Variants in DNAH12 observed in about 807,000 individuals in gnomAD.
The protein encoded by DNAH12 is axonemal beta dynein heavy chain 12.
In DNAH12, 285 loss-of-function variants were observed where a neutral mutation model predicts 371.5. The ratio of observed to expected loss-of-function variants is 0.77; its 90% CI spans 0.70 to 0.85. The LOEUF is 0.85. Among genes scored for constraint, DNAH12 ranks in the 40% least tolerant of loss-of-function variants. DNAH12 has a pLI of 0.00. For missense variants in DNAH12, 3,611 were observed against 3,689.4 expected (o/e 0.98, Z 0.55); for synonymous variants, 1,200 against 1,213.0 (o/e 0.99, Z 0.22).
intron 27 of DNAH12, among the ~76,000 whole-genome samples, chr3:57,445,708 G>T (rs938304876): frequency 2.0e-5 from 3 of 151,812 alleles, no homozygotes; most frequent in Non-Finnish European, 2.9e-5. Context: ...AAAAATATTG[G>T]CTGGGTACAG....
intron 71 of DNAH12, 134 bp downstream of exon 71, chr3:57,296,713 G>T: frequency 9.0e-7 from 1 of 1,110,814 alleles, no homozygotes; most frequent in South Asian, 1.7e-5. Flanking sequence ...AAGTTCTAAG[G>T]GATAGCAAGA....
intron 2 of DNAH12, among the ~76,000 whole-genome samples, chr3:57,537,746 A>G (rs1286955197): frequency 1.4e-5 from 2 of 147,164 alleles, no homozygotes; most frequent in African/African-American, 2.6e-5. Context: ...GCGCAGTGGC[A>G]TGATCTTGGC....
In DNAH12 at chr3:57,433,354, GATC is replaced by G; in HGVS notation, c.4980+10_4980+12del. Reference sequence around the variant, plus strand: ...TCATGGCTGAATCTGCTTCTCTTTTGATCATGATTTACCTTTTTATTATCATCC... The same window carrying G: ...TCATGGCTGAATCTGCTTCTCTTTTGATGATTTACCTTTTTATTATCATCC... On this transcript the variant is annotated intron_variant, in intron 32 of 73. Coordinates refer to ENST00000495027, the MANE Select transcript of DNAH12 (RefSeq NM_001366028.2). 5 of 1,544,254 alleles carry G rather than the reference GATC, an allele frequency of 3.2e-6. No individual in the cohort carries two copies. Among genetic ancestry groups the G allele is most frequent in the Non-Finnish European group, 4.4e-6 (5 of 1,144,068 alleles).
chr3:57,548,363 A>T (rs1488631237), upstream of DNAH12, among the ~76,000 whole-genome samples: 1 of 152,210 alleles, frequency 6.6e-6, no homozygotes, highest in Non-Finnish European at 1.5e-5. Context: ...TAGAATTTGA[A>T]ATTTGACTTT....
intron 4 of DNAH12, among the ~76,000 whole-genome samples, chr3:57,520,948 A>T (rs1252325024): frequency 6.6e-6 from 1 of 151,066 alleles, no homozygotes; most frequent in Non-Finnish European, 1.5e-5. Flanking sequence ...GTTTTAAAAA[A>T]TTTTCTGCAG....
At chr3:57,555,755 T>G in the DNAH12 span, among the ~76,000 whole-genome samples, 1 of 152,254 alleles carries the variant, frequency 6.6e-6, no homozygotes, top group Non-Finnish European at 1.5e-5. Context: ...TTATTGTATA[T>G]CGTTCGTTGT....
rs1417563048 is a variant in DNAH12 at position 57,366,156 on chromosome 3, CACCAAT to C, written c.9167+567_9167+572del. 2.6e-5 allele frequency among the ~76,000 whole-genome samples: 4 copies of C among 152,120 alleles called. No individual in the cohort carries two copies. The East Asian group carries it at 7.7e-4, about 29-fold the overall frequency. On this transcript the variant is annotated intron_variant, in intron 57 of 73. Coordinates refer to ENST00000495027, the MANE Select transcript of DNAH12 (RefSeq NM_001366028.2). ...TACAGTAAAGAAGCTGGCTAAATCC[CACCAAT>C]ACCAAGATGGCCACAAAAGTGACCT...
chr3:57,311,016 A>G (rs1559543259), intron 66 of DNAH12, 66 bp from the exon 67 acceptor site: 1 of 1,123,226 alleles, frequency 8.9e-7, no homozygotes, highest in Non-Finnish European at 1.3e-6. Flanking sequence ...CATTTTAAGT[A>G]TGTATCTATC....
chr3:57,294,289 G>A (rs1408089884), intron 73 of DNAH12, among the ~76,000 whole-genome samples: 1 of 148,298 alleles, frequency 6.7e-6, no homozygotes, highest in Non-Finnish European at 1.5e-5. Flanking sequence ...CGATTCTCTT[G>A]TCTCAGCCTC....
intron 32 of DNAH12, among the ~76,000 whole-genome samples, chr3:57,432,978 G>A (rs777330206): frequency 1.3e-5 from 2 of 152,034 alleles, no homozygotes; most frequent in South Asian, 2.1e-4. Context: ...TCATAGCGCC[G>A]AAGGTGATAT....
At chr3:57,481,471 A>G (rs7639147) in intron 13 of DNAH12, among the ~76,000 whole-genome samples, 80,793 of 150,080 alleles carry the variant, frequency 0.54, 23,657 homozygotes, top group South Asian at 0.73. Context: ...GGAAGAATCA[A>G]TATCGTGAAA....
At chr3:57,321,319 A>G (rs904878371) in intron 65 of DNAH12, among the ~76,000 whole-genome samples, 3 of 152,220 alleles carry the variant, frequency 2.0e-5, no homozygotes, top group Non-Finnish European at 4.4e-5. Context: ...GTCATTAAGC[A>G]GAGGGAAAAT....
intron 2 of DNAH12, among the ~76,000 whole-genome samples, chr3:57,538,815 T>C (rs574587965): frequency 1.3e-5 from 2 of 152,302 alleles, no homozygotes; most frequent in African/African-American, 4.8e-5. Context: ...TGCTGGTGAC[T>C]CCCAAATTTT....
chr3:57,381,191 C>T (rs1408943078), intron 50 of DNAH12, among the ~76,000 whole-genome samples: 1 of 151,762 alleles, frequency 6.6e-6, no homozygotes, highest in Non-Finnish European at 1.5e-5. Flanking sequence ...GCTGAAATAA[C>T]CAGCTGAAAG....
chr3:57,470,006 A>C (rs1321069134), intron 16 of DNAH12, among the ~76,000 whole-genome samples: 1 of 152,202 alleles, frequency 6.6e-6, no homozygotes, highest in Non-Finnish European at 1.5e-5. Context: ...TAAAACAAAA[A>C]TAAAAATAAA....
intron 60 of DNAH12, among the ~76,000 whole-genome samples, chr3:57,337,972 G>A (rs138000283): frequency 6.6e-6 from 1 of 152,084 alleles, no homozygotes; most frequent in Non-Finnish European, 1.5e-5. Context: ...CATATGTTAG[G>A]ACACAAAAAA....
intron 19 of DNAH12, among the ~76,000 whole-genome samples, chr3:57,460,443 C>G (rs954090981): frequency 2.0e-5 from 3 of 152,144 alleles, no homozygotes; most frequent in Non-Finnish European, 4.4e-5. Flanking sequence ...TATAATATCT[C>G]TCTTTGGTTC....
intron 37 of DNAH12, 96 bp from the exon 38 acceptor site, chr3:57,415,660 C>A: frequency 8.2e-7 from 1 of 1,214,220 alleles, no homozygotes; most frequent in Non-Finnish European, 1.1e-6. Flanking sequence ...ACATAAGAAT[C>A]AAATCATCTT....
intron 7 of DNAH12, 45 bp downstream of exon 7, chr3:57,508,337 C>T (rs2067851408): frequency 6.6e-7 from 1 of 1,506,678 alleles, no homozygotes; most frequent in African/African-American, 1.4e-5. Context: ...AAAATATAGA[C>T]TCAAGCAAGG....
Sources: allele counts gnomAD v4.1 joint callset (sites outside exome capture counted in the v4.1 genomes callset), GRCh38; gene constraint gnomAD v4.1.1; transcripts MANE v1.5; gene names NCBI Gene and HGNC (gene_info 2026-07-23, HGNC 2026-07-21).